The following SNCAIP variants were observed in gnomAD, a reference collection of about 807,000 sequenced individuals.
SNCAIP encodes synphilin-1.
A neutral mutation model predicts 86.7 loss-of-function variants in SNCAIP; 43 were observed. The ratio of observed to expected loss-of-function variants is 0.50; its 90% CI spans 0.39 to 0.64. The LOEUF (loss-of-function observed/expected upper bound fraction) is 0.64, where lower values mean the gene tolerates loss of function less well. SNCAIP is among the 30% of genes least tolerant of loss of function. The pLI, the probability that SNCAIP is intolerant of heterozygous loss-of-function variation, is 0.00. For missense variants in SNCAIP, 981 were observed against 1,103.1 expected, an observed-to-expected ratio of 0.89 and a Z score of 1.57; for synonymous variants, 417 against 427.2, an observed-to-expected ratio of 0.98 and a Z score of 0.29.
At chr5:122,321,169 G>T (rs1377793825) in intron 1 of SNCAIP, 4 of 152,156 alleles carry the variant, frequency 2.6e-5, no homozygotes, top group African/African-American at 9.7e-5. Flanking sequence ...AAAGGGAACA[G>T]GTGACATCAA....
At chr5:122,378,706 T>C (rs1227050877) in intron 1 of SNCAIP, among the ~76,000 whole-genome samples, 1 of 131,282 alleles carries the variant, frequency 7.6e-6, no homozygotes, top group Non-Finnish European at 1.6e-5. Context: ...CCATCTTGAA[T>C]TGATTTTTGT....
rs769882967 is a variant in SNCAIP, at chr5:122,440,712, C to T, written c.1380C>T (p.Ala460=). Residue 460 remains alanine, a synonymous_variant, in exon 7 of 11, where the codon GCC becomes GCT. Transcript: ENST00000261368. Reference sequence around the variant, plus strand: ...AAGTAGACCAGGATGGCAACAGTGCCGTTCACGTAGCCTCACAGCATGGCT... The same window carrying T: ...AAGTAGACCAGGATGGCAACAGTGCTGTTCACGTAGCCTCACAGCATGGCT... ...LDEVDQDGNS[A]VHVASQHGYL... 5.6e-6 allele frequency: 9 copies of T among 1,613,954 alleles called. No individual in the cohort carries two copies. Among genetic ancestry groups the T allele is most frequent in the Middle Eastern group, 1.6e-4 (1 of 6,062 alleles).
intron 3 of SNCAIP, among the ~76,000 whole-genome samples, chr5:122,416,008 A>G (rs1025297086): frequency 1.3e-5 from 2 of 152,226 alleles, no homozygotes; most frequent in East Asian, 1.9e-4. Context: ...TTGCTGTTCT[A>G]TGGAAACTGT....
chr5:122,319,885 A>G (rs1752574063), intron 1 of SNCAIP, among the ~76,000 whole-genome samples: 1 of 152,230 alleles, frequency 6.6e-6, no homozygotes, highest in African/African-American at 2.4e-5. Flanking sequence ...GGGAACTCAC[A>G]GTCTCCCACT....
At chr5:122,390,952 A>T in intron 1 of SNCAIP, 137 bp from the exon 2 acceptor site, 1 of 618,222 alleles carries the variant, frequency 1.6e-6, no homozygotes, top group Middle Eastern at 4.2e-4. Context: ...TGGACAGTTG[A>T]AGGAAGGAAA....
chr5:122,420,537 T>C (rs1776165703), intron 3 of SNCAIP, among the ~76,000 whole-genome samples: 1 of 151,932 alleles, frequency 6.6e-6, no homozygotes, highest in Admixed American at 6.6e-5. Context: ...TTACTAAATA[T>C]ACTCAGTAAT....
At chr5:122,435,591 T>G (rs1779263784) in intron 6 of SNCAIP, among the ~76,000 whole-genome samples, 1 of 151,938 alleles carries the variant, frequency 6.6e-6, no homozygotes, top group South Asian at 2.1e-4. Flanking sequence ...CATTGAACAT[T>G]TACTAACAGC....
rs1166376114 is a variant in SNCAIP at position 122,423,434 on chromosome 5, A to G, written c.697A>G (p.Thr233Ala). 1.9e-6 allele frequency: 3 copies of G among 1,613,802 alleles called. No individual in the cohort carries two copies. Among genetic ancestry groups the G allele is most frequent in the Non-Finnish European group, 2.5e-6 (3 of 1,179,922 alleles). Residue 233 changes from threonine (T) to alanine (A), a missense_variant, in exon 4 of 11, where the codon ACT becomes GCT. Transcript: ENST00000261368. ...AVIHDQHKLSTEETEISPPLV... is the reference protein window; with the variant it reads ...AVIHDQHKLSAEETEISPPLV... Reference sequence around the variant, plus strand: ...CATCCACGACCAGCACAAGCTGTCCACTGAAGAAACCGAGATCTCACCTCC... The same window carrying G: ...CATCCACGACCAGCACAAGCTGTCCGCTGAAGAAACCGAGATCTCACCTCC...
chr5:122,459,197 G>A (rs368982886), intron 10 of SNCAIP, among the ~76,000 whole-genome samples: 6 of 152,248 alleles, frequency 3.9e-5, no homozygotes, highest in Admixed American at 1.3e-4. Flanking sequence ...TCAAAACTCT[G>A]AGGGAGATCA....
intron 1 of SNCAIP, among the ~76,000 whole-genome samples, chr5:122,355,687 G>A (rs952029357): frequency 2.6e-5 from 4 of 152,162 alleles, no homozygotes; most frequent in African/African-American, 9.7e-5. Flanking sequence ...CATGTTCATT[G>A]TCAGGCCTAG....
At chr5:122,338,716 T>C (rs1053054366) in intron 1 of SNCAIP, among the ~76,000 whole-genome samples, 2 of 152,220 alleles carry the variant, frequency 1.3e-5, no homozygotes, top group African/African-American at 4.8e-5. Context: ...TGTACAGTGA[T>C]TATTAAACTT....
Position 122,451,331 on chromosome 5 carries a change from T to C in SNCAIP, c.2484T>C (p.Pro828=). The change falls in exon 10 of 11, where the codon CCT becomes CCC. Residue 828 remains proline, a synonymous_variant. Transcript: ENST00000261368. ...FEEPVVQMEQ[P]SLELNGEKDK... is the part of the protein sequence containing the mutation. ...AGCCTGTGGTGCAGATGGAGCAGCC[T>C]AGCCTTGAACTGAATGGAGAAAAAG... The C allele has an allele frequency of 1.2e-6, 2 of 1,614,154 alleles. No homozygotes were observed. The highest frequency in any genetic ancestry group is 2.2e-5 in the East Asian group (1 of 44,872).
At chr5:122,379,957 G>A (rs1257853757) in intron 1 of SNCAIP, among the ~76,000 whole-genome samples, 2 of 152,046 alleles carry the variant, frequency 1.3e-5, no homozygotes, top group Non-Finnish European at 2.9e-5. Flanking sequence ...TTTTATTGAG[G>A]ATTTTTGCAT....
chr5:122,325,980 C>G lies in SNCAIP; in HGVS notation c.-47+13696C>G, dbSNP rs186221342. 3.0e-4 allele frequency among the ~76,000 whole-genome samples: 45 copies of G among 152,208 alleles called. No individual in the cohort carries two copies. In the East Asian group the frequency reaches 8.7e-3, roughly 29 times the overall value. ...TGTCTGGAAGAGAAAGTTGCAGCTTCAAAGTTAAGTAAATTAAAACATAAC... is the reference window on the plus strand; with the variant it reads ...TGTCTGGAAGAGAAAGTTGCAGCTTGAAAGTTAAGTAAATTAAAACATAAC... On this transcript the variant is annotated intron_variant, in intron 1 of 10. Coordinates refer to ENST00000261368, the MANE Select transcript of SNCAIP (RefSeq NM_005460.4).
At chr5:122,430,653 A>G (rs1778229737) in intron 5 of SNCAIP, among the ~76,000 whole-genome samples, 1 of 152,148 alleles carries the variant, frequency 6.6e-6, no homozygotes, top group Admixed American at 6.6e-5. Context: ...AACATTTTCT[A>G]CAGACATGTA....
At chr5:122,456,099 C>G (rs1005496597) in intron 10 of SNCAIP, among the ~76,000 whole-genome samples, 3 of 152,226 alleles carry the variant, frequency 2.0e-5, no homozygotes, top group Non-Finnish European at 4.4e-5. Flanking sequence ...GGCATAACCC[C>G]TGGCCACCAC....
chr5:122,363,493 T>C (rs1762578976), intron 1 of SNCAIP, among the ~76,000 whole-genome samples: 1 of 152,076 alleles, frequency 6.6e-6, no homozygotes, highest in Admixed American at 6.6e-5. Context: ...ATGGTTGATA[T>C]TGCCTCCCCT....
intron 1 of SNCAIP, among the ~76,000 whole-genome samples, chr5:122,366,340 G>T (rs1297117052): frequency 6.6e-6 from 1 of 152,196 alleles, no homozygotes; most frequent in South Asian, 2.1e-4. Context: ...CTGTGGCAGG[G>T]TGAGTATGTA....
rs755160196 is a variant in SNCAIP at position 122,451,038 on chromosome 5, C to T, written c.2191C>T (p.Arg731Cys). 50 of 1,614,056 alleles carry T rather than the reference C, an allele frequency of 3.1e-5. No individual in the cohort carries two copies. Among genetic ancestry groups the T allele is most frequent in the Non-Finnish European group, 3.3e-5 (39 of 1,180,026 alleles). ...GAAACACACCTTGGCATCAGGGGGA[C>T]GCAGGTTTCCTTTCAGCATCAAGGC... ...IKKHTLASGG[R>C]RFPFSIKASK... Residue 731 changes from arginine (R) to cysteine (C), a missense_variant, in exon 10 of 11, where the codon CGC becomes TGC. Arg to Cys is a radical substitution (Grantham distance 180, BLOSUM62 -3). Coordinates refer to ENST00000261368, the MANE Select transcript of SNCAIP (RefSeq NM_005460.4).
Sources: allele counts gnomAD v4.1 joint callset (sites outside exome capture counted in the v4.1 genomes callset), GRCh38; gene constraint gnomAD v4.1.1; transcripts MANE v1.5; gene names NCBI Gene and HGNC (gene_info 2026-07-23, HGNC 2026-07-21).